The following GALNT12 variants were observed in gnomAD, a reference collection of about 807,000 sequenced individuals.
GALNT12 encodes the protein UDP-GalNAc:polypeptide N-acetylgalactosaminyltransferase 12.
In GALNT12, 45 loss-of-function variants were observed where a neutral mutation model predicts 55.5. The ratio of observed to expected loss-of-function variants is 0.81; its 90% CI spans 0.64 to 1.04. GALNT12 has a LOEUF of 1.04. Among genes scored for constraint, GALNT12 ranks in the 50% least tolerant of loss-of-function variants. GALNT12 has a pLI of 0.00. For synonymous variants in GALNT12, 304 were observed against 312.2 expected (o/e 0.97, Z 0.28); for missense variants, 709 against 754.8 (o/e 0.94, Z 0.71).
At chr9:98,831,406 C>T (rs1360092168) in intron 3 of GALNT12, among the ~76,000 whole-genome samples, 1 of 152,040 alleles carries the variant, frequency 6.6e-6, no homozygotes, top group Non-Finnish European at 1.5e-5. Context: ...CTGGGTGCAC[C>T]TTTGTTCTTA....
At chr9:98,831,661 G>A (rs1282850894) in intron 3 of GALNT12, 111 bp from the exon 4 acceptor site, 4 of 1,210,022 alleles carry the variant, frequency 3.3e-6, no homozygotes, top group Non-Finnish European at 4.8e-6. Flanking sequence ...TTTCTCAGAT[G>A]TTCCTCCCTC....
In GALNT12 at chr9:98,846,066, TATC is replaced by T. The variant is rs1416446800; in HGVS notation, c.1551_1553del (p.Ile517del). The T allele has an allele frequency of 6.2e-7, 1 of 1,614,046 alleles. No individual in the cohort carries two copies. On this transcript the variant is annotated inframe_deletion, in exon 9 of 10. Transcript: ENST00000375011. Reference sequence around the variant, plus strand: ...CTGTGGAAGCAGGAATGGATACCCTTATCATGCATCTCTGCGAAGAAACTGCCC... The same window carrying T: ...CTGTGGAAGCAGGAATGGATACCCTTATGCATCTCTGCGAAGAAACTGCCC...
intron 9 of GALNT12, chr9:98,847,193 G>A (rs1298163649): frequency 6.6e-6 from 1 of 152,124 alleles, no homozygotes; most frequent in Non-Finnish European, 1.5e-5. Flanking sequence ...AAAATTCATT[G>A]TTTTTTATCT....
rs755708201 is a variant in GALNT12 at position 98,826,923 on chromosome 9, T to C, written c.713T>C (p.Leu238Pro). ...DCHCECHEGWLEPLLQRIHEE... is the reference protein window; with the variant it reads ...DCHCECHEGWPEPLLQRIHEE... ...CACTGTGAGTGCCACGAAGGGTGGC[T>C]GGAGCCGCTGCTGCAGAGGTACGTG... Residue 238 changes from leucine (L) to proline (P), a missense_variant, in exon 3 of 10, where the codon CTG becomes CCG. By Grantham distance (98) the Leu-to-Pro change is moderately conservative (BLOSUM62 -3). This residue lies in a region of GALNT12 where 315 missense variants were observed against 288.6 expected (regional missense o/e 1.09). Coordinates refer to ENST00000375011, the MANE Select transcript of GALNT12 (RefSeq NM_024642.5). The C allele has an allele frequency of 6.4e-7, 1 of 1,564,858 alleles. No individual in the cohort carries two copies.
At chr9:98,828,444 G>A (rs549383443) in intron 3 of GALNT12, among the ~76,000 whole-genome samples, 5 of 152,206 alleles carry the variant, frequency 3.3e-5, no homozygotes, top group South Asian at 2.1e-4. Context: ...CCCTTCCTTC[G>A]TTCCCCCACT....
At chr9:98,848,425 G>C (rs750427918) in intron 9 of GALNT12, among the ~76,000 whole-genome samples, 1 of 152,186 alleles carries the variant, frequency 6.6e-6, no homozygotes, top group Non-Finnish European at 1.5e-5. Flanking sequence ...GAAGACCATC[G>C]TCTTTGGGGT....
At position 98,826,800 on chromosome 9, in the gene GALNT12, T is replaced by G. The variant is rs953896453; in HGVS notation, c.590T>G (p.Val197Gly). 6.2e-7 allele frequency: 1 copy of G among 1,611,854 alleles called. No homozygotes were observed. The highest frequency in any genetic ancestry group is 8.5e-7 in the Non-Finnish European group (1 of 1,179,792). The change falls in exon 3 of 10, where the codon GTG becomes GGG. Residue 197 changes from valine (V) to glycine (G), a missense_variant. Val to Gly is a moderately radical substitution (Grantham distance 109). Coordinates refer to ENST00000375011, the MANE Select transcript of GALNT12 (RefSeq NM_024642.5). ...LANELSGLPKVRLIRANKREG... is the reference protein window; with the variant it reads ...LANELSGLPKGRLIRANKREG... Reference sequence around the variant, plus strand: ...AATGAGCTTTCGGGACTGCCCAAGGTGCGCCTGATCCGCGCCAACAAGAGA... The same window carrying G: ...AATGAGCTTTCGGGACTGCCCAAGGGGCGCCTGATCCGCGCCAACAAGAGA...
intron 6 of GALNT12, among the ~76,000 whole-genome samples, chr9:98,837,897 A>G (rs1836193292): frequency 6.6e-6 from 1 of 152,196 alleles, no homozygotes; most frequent in African/African-American, 2.4e-5. Context: ...TTACAAATCA[A>G]TTTTATTATA....
chr9:98,829,756 C>T (rs191831001), intron 3 of GALNT12, among the ~76,000 whole-genome samples: 54 of 152,266 alleles, frequency 3.5e-4, no homozygotes, highest in Admixed American at 7.2e-4. Context: ...TTTCACCTAA[C>T]GTAATGACCT....
At chr9:98,831,097 T>A (rs1230940630) in intron 3 of GALNT12, among the ~76,000 whole-genome samples, 1 of 152,208 alleles carries the variant, frequency 6.6e-6, no homozygotes, top group Non-Finnish European at 1.5e-5. Context: ...AGAGAACCGT[T>A]GAAGCCAACA....
intron 2 of GALNT12, among the ~76,000 whole-genome samples, chr9:98,825,218 TTAATC>T (rs1236633680): frequency 9.2e-5 from 14 of 152,214 alleles, no homozygotes; most frequent in South Asian, 2.1e-4. Context: ...CACAAATATA[TTAATC>T]TAAAGTCAAA....
chr9:98,826,148 C>G (rs944276792), intron 2 of GALNT12, among the ~76,000 whole-genome samples: 2 of 152,140 alleles, frequency 1.3e-5, no homozygotes, highest in African/African-American at 4.8e-5. Context: ...TACTTAGCCT[C>G]TCCGGCCTCA....
chr9:98,840,847 T>C (rs1314586436), intron 7 of GALNT12, among the ~76,000 whole-genome samples: 1 of 152,242 alleles, frequency 6.6e-6, no homozygotes, highest in Non-Finnish European at 1.5e-5. Flanking sequence ...TCTCCTGTAC[T>C]TCACCTCCAC....
In GALNT12 at chr9:98,824,574, C is replaced by T. The variant is rs149768791; in HGVS notation, c.541+1149C>T. On this transcript the variant is annotated intron_variant, in intron 2 of 9. Transcript: ENST00000375011. ...TCACAGGGAGAATGGGTTTAAGGCA[C>T]AAGGAGCAGTGTCTGTGACAGCGTG... 4.6e-3 allele frequency among the ~76,000 whole-genome samples: 699 copies of T among 152,230 alleles called. 9 individuals are homozygous for T. The highest frequency in any genetic ancestry group is 0.016 in the African/African-American group (656 of 41,528).
chr9:98,812,356 C>T (rs749593101), intron 1 of GALNT12, among the ~76,000 whole-genome samples: 2 of 151,770 alleles, frequency 1.3e-5, no homozygotes, highest in East Asian at 1.9e-4. Context: ...TTTGGAAGGC[C>T]GAGGTGGGTG....
chr9:98,830,043 C>T (rs1835955783), intron 3 of GALNT12, among the ~76,000 whole-genome samples: 1 of 152,144 alleles, frequency 6.6e-6, no homozygotes, highest in African/African-American at 2.4e-5. Context: ...TTTTGAGGAA[C>T]CTTCAAACTG....
chr9:98,829,932 C>T (rs958529093), intron 3 of GALNT12, among the ~76,000 whole-genome samples: 4 of 152,210 alleles, frequency 2.6e-5, no homozygotes, highest in African/African-American at 7.2e-5. Context: ...CTGCAACAAA[C>T]ATGAGAGTGC....
chr9:98,828,682 G>A (rs1237651196), intron 3 of GALNT12, among the ~76,000 whole-genome samples: 1 of 152,158 alleles, frequency 6.6e-6, no homozygotes, highest in East Asian at 1.9e-4. Context: ...ATTTTTAATT[G>A]TTGTGGGTAA....
chr9:98,824,310 C>A lies in GALNT12; in HGVS notation c.541+885C>A, dbSNP rs1474706305. Among the ~76,000 whole-genome samples, 4 of 152,168 alleles carry A rather than the reference C, an allele frequency of 2.6e-5. No individual in the cohort carries two copies. In the East Asian group the frequency reaches 7.7e-4, roughly 29 times the overall value. On this transcript the variant is annotated intron_variant, in intron 2 of 9. Transcript: ENST00000375011. The stretch of plus-strand genomic sequence containing the variant: ...CTCCTTCTGCACCTGTTCCCACCTT[C>A]TCTAGGGTGCTCTGCTGCCTTGGTC...
Sources: gnomAD v4.1 joint callset for allele counts (sites outside exome capture counted in the v4.1 genomes callset) on GRCh38, gnomAD v4.1.1 for gene constraint, gnomAD v4.1.1 regional missense constraint, MANE v1.5 for transcripts, NCBI Gene and HGNC (gene_info 2026-07-23, HGNC 2026-07-21) for gene names.